Variants in C19orf47 observed in about 807,000 individuals in gnomAD.
C19orf47 encodes uncharacterized protein C19orf47.
A neutral mutation model predicts 32.3 loss-of-function variants in C19orf47; 18 were observed. The observed-to-expected ratio is 0.56, with a 90% confidence interval of 0.39 to 0.83. C19orf47 has a LOEUF of 0.83. C19orf47 is among the 40% of genes least tolerant of loss of function. The pLI, the probability that C19orf47 is intolerant of heterozygous loss-of-function variation, is 0.00. For synonymous variants in C19orf47, 202 were observed against 211.1 expected (o/e 0.96, Z 0.37); for missense variants, 484 against 531.6 (o/e 0.91, Z 0.88).
At chr19:40,340,681 A>G (rs2078159382) in intron 2 of C19orf47, among the ~76,000 whole-genome samples, 1 of 145,858 alleles carries the variant, frequency 6.9e-6, no homozygotes, top group African/African-American at 2.6e-5. Context: ...CTCTGTCTCA[A>G]ATAAAAAGGA....
At chr19:40,324,413 T>C (rs959288414) in intron 7 of C19orf47, 8 of 354,426 alleles carry the variant, frequency 2.3e-5, no homozygotes, top group Non-Finnish European at 3.1e-5. Context: ...TGATGAGTGG[T>C]AGTGCATCCT....
the C19orf47 span, chr19:40,299,442 T>C: frequency 6.6e-6 from 1 of 152,206 alleles, no homozygotes; most frequent in Non-Finnish European, 1.5e-5. Context: ...GAGATCCTAT[T>C]AATCAAATTT....
At chr19:40,300,189 G>A in the C19orf47 span, among the ~76,000 whole-genome samples, 5 of 151,762 alleles carry the variant, frequency 3.3e-5, no homozygotes, top group East Asian at 1.9e-4. Flanking sequence ...TTATATGGCC[G>A]GGTGCAATGG....
At chr19:40,330,130 T>C (rs2077918499) in intron 5 of C19orf47, among the ~76,000 whole-genome samples, 1 of 152,250 alleles carries the variant, frequency 6.6e-6, no homozygotes, top group Non-Finnish European at 1.5e-5. Flanking sequence ...AAAGTGATCA[T>C]CTCAGGAATG....
chr19:40,336,464 G>A, intron 2 of C19orf47, 57 bp from the exon 3 acceptor site: 7 of 1,467,550 alleles, frequency 4.8e-6, no homozygotes, highest in South Asian at 1.2e-5. Flanking sequence ...AATAGCATTA[G>A]CAAAACCACA....
chr19:40,300,409 G>A, the C19orf47 span, among the ~76,000 whole-genome samples: 15 of 151,882 alleles, frequency 9.9e-5, no homozygotes, highest in Non-Finnish European at 1.5e-5. Context: ...AGGTTGCAGT[G>A]AGCCAAGATC....
the C19orf47 span, among the ~76,000 whole-genome samples, chr19:40,297,702 A>G: frequency 2.4e-4 from 5 of 21,260 alleles, no homozygotes; most frequent in East Asian, 1.5e-3. Context: ...TCCGTCTCGG[A>G]AAAAAAAAAA....
chr19:40,300,915 G>A, the C19orf47 span, among the ~76,000 whole-genome samples: 1 of 152,156 alleles, frequency 6.6e-6, no homozygotes, highest in African/African-American at 2.4e-5. Context: ...ACTTTGAGAG[G>A]CCCAGGCAGG....
chr19:40,347,394 T>C (rs1471551790), intron 1 of C19orf47, among the ~76,000 whole-genome samples: 1 of 151,716 alleles, frequency 6.6e-6, no homozygotes, highest in Non-Finnish European at 1.5e-5. Context: ...TAGCCGGGCG[T>C]GGTGGCGCAT....
chr19:40,338,317 A>G (rs1288560820), intron 2 of C19orf47, among the ~76,000 whole-genome samples: 2 of 148,132 alleles, frequency 1.4e-5, no homozygotes, highest in Non-Finnish European at 3.0e-5. Context: ...ACATATATAT[A>G]CACAAATATA....
the C19orf47 span, among the ~76,000 whole-genome samples, chr19:40,302,832 G>A: frequency 4.6e-5 from 7 of 152,246 alleles, no homozygotes; most frequent in African/African-American, 1.4e-4. Flanking sequence ...TGGAGTTACT[G>A]AAAGTAAGAC....
intron 1 of C19orf47, 57 bp from the exon 2 acceptor site, chr19:40,341,947 C>T: frequency 6.5e-7 from 1 of 1,535,814 alleles, no homozygotes; most frequent in South Asian, 1.2e-5. Context: ...AGTGTTTGTC[C>T]CTCTCCTGTG....
At chr19:40,331,621 G>C (rs547750603) in intron 5 of C19orf47, among the ~76,000 whole-genome samples, 1 of 151,822 alleles carries the variant, frequency 6.6e-6, no homozygotes, top group East Asian at 1.9e-4. Context: ...CTGGGCAACA[G>C]AGTGAGACTC....
Position 40,324,180 on chromosome 19 carries a change from A to G in C19orf47, c.593-104T>C, listed in dbSNP as rs559713754. The G allele has an allele frequency of 1.0e-5, 11 of 1,091,204 alleles. No homozygotes were observed. In the African/African-American group the frequency reaches 1.2e-4, roughly 12 times the overall value. The allele number at this position is 1,091,204 out of a possible 1,614,324, so 67.6% of individuals were successfully genotyped here. On this transcript the variant is annotated intron_variant, in intron 7 of 8. Coordinates refer to ENST00000683109, the MANE Select transcript of C19orf47 (RefSeq NM_001256441.2). ...GCCCAGACACCAGTAGCTCTGGGACAGGCAGGGCCAGACTGTGCTGAGTTG... is the reference window on the plus strand; with the variant it reads ...GCCCAGACACCAGTAGCTCTGGGACGGGCAGGGCCAGACTGTGCTGAGTTG...
the C19orf47 span, among the ~76,000 whole-genome samples, chr19:40,303,591 C>T: frequency 6.7e-6 from 1 of 149,308 alleles, no homozygotes; most frequent in African/African-American, 2.5e-5. Flanking sequence ...AGGTGGATCA[C>T]AAGGTCATCG....
intron 4 of C19orf47, among the ~76,000 whole-genome samples, chr19:40,335,126 A>C (rs1468553854): frequency 1.3e-5 from 2 of 152,054 alleles, no homozygotes; most frequent in Non-Finnish European, 2.9e-5. Context: ...TAGCTATTAT[A>C]TTAATCACTT....
Position 40,326,495 on chromosome 19 carries a change from AG to A in C19orf47, c.440-10del, listed in dbSNP as rs1193228966. On this transcript the variant is annotated splice_polypyrimidine_tract_variant and intron_variant, in intron 6 of 8. Transcript: ENST00000683109. The stretch of plus-strand genomic sequence containing the variant: ...CCGGCGGGCCAGGGCTGCTGGGGGA[AG>A]AAAGCAGGGGTATCAGCACTCTCTG... 1 of 1,611,238 alleles carries A rather than the reference AG, an allele frequency of 6.2e-7. No homozygotes were observed. The highest frequency in any genetic ancestry group is 1.3e-5 in the African/African-American group (1 of 74,940).
At chr19:40,330,282 G>A (rs2077922926) in intron 5 of C19orf47, among the ~76,000 whole-genome samples, 1 of 150,460 alleles carries the variant, frequency 6.6e-6, no homozygotes. Flanking sequence ...AGGCTGGAGT[G>A]CAGTGGCGCG....
At chr19:40,301,380 G>T in the C19orf47 span, among the ~76,000 whole-genome samples, 1 of 146,924 alleles carries the variant, frequency 6.8e-6, no homozygotes, top group African/African-American at 2.5e-5. Context: ...TCGCTCTGTC[G>T]CCCAGGCTGG....
Sources: gnomAD v4.1 joint callset for allele counts (sites outside exome capture counted in the v4.1 genomes callset) on GRCh38, gnomAD v4.1.1 for gene constraint, MANE v1.5 for transcripts, NCBI Gene and HGNC (gene_info 2026-07-23, HGNC 2026-07-21) for gene names.